Variants in GRM8 observed in about 807,000 individuals in gnomAD.
GRM8 encodes the protein metabotropic glutamate receptor 8.
GRM8 carries 47 observed loss-of-function variants against 87.2 expected under a neutral mutation model. The observed-to-expected ratio is 0.54, with a 90% CI of 0.43 to 0.69. The LOEUF (loss-of-function observed/expected upper bound fraction) is 0.69, where lower values mean the gene tolerates loss of function less well. GRM8 is among the 30% of genes least tolerant of loss of function. GRM8 has a pLI of 0.00. For synonymous variants in GRM8, 396 were observed against 404.5 expected (o/e 0.98, Z 0.25); for missense variants, 1,019 against 1,139.2 (o/e 0.89, Z 1.52).
At chr7:127,158,062 G>A (rs982481001) in intron 2 of GRM8, among the ~76,000 whole-genome samples, 1 of 152,070 alleles carries the variant, frequency 6.6e-6, no homozygotes, top group East Asian at 1.9e-4. Context: ...GATGGGTGGA[G>A]GCTGAAAGTC....
chr7:126,498,599 G>T (rs1160195320), intron 9 of GRM8, among the ~76,000 whole-genome samples: 1 of 151,912 alleles, frequency 6.6e-6, no homozygotes, highest in African/African-American at 2.4e-5. Flanking sequence ...AAAAGTGGGG[G>T]GACATGTACT....
At chr7:126,800,115 G>GTT (rs539773887) in intron 6 of GRM8, among the ~76,000 whole-genome samples, 12 of 152,048 alleles carry the variant, frequency 7.9e-5, no homozygotes, top group African/African-American at 2.9e-4. Flanking sequence ...TAACTTTCAA[G>GTT]TTTTTTTTAA....
At chr7:127,204,660 ATT>A (rs756100696) in intron 2 of GRM8, among the ~76,000 whole-genome samples, 57 of 147,984 alleles carry the variant, frequency 3.9e-4, no homozygotes, top group African/African-American at 1.3e-3. Flanking sequence ...TACTGTCCAA[ATT>A]TTTTTTTTTT....
intron 2 of GRM8, among the ~76,000 whole-genome samples, chr7:127,221,457 G>A (rs751204405): frequency 1.7e-4 from 26 of 152,058 alleles, no homozygotes; most frequent in Non-Finnish European, 3.5e-4. Context: ...AAGTATGCCC[G>A]GGAATTATCA....
intron 9 of GRM8, 80 bp downstream of exon 9, chr7:126,532,872 C>T: frequency 1.3e-6 from 1 of 757,772 alleles, no homozygotes; most frequent in Non-Finnish European, 2.2e-6. Context: ...ATAAGTGAAC[C>T]AAATAAAAGG....
At chr7:126,500,036 A>G (rs2150690078) in intron 9 of GRM8, among the ~76,000 whole-genome samples, 1 of 152,088 alleles carries the variant, frequency 6.6e-6, no homozygotes, top group African/African-American at 2.4e-5. Context: ...TAATTAACAT[A>G]TTTATCACCT....
chr7:126,608,363 G>A (rs1258737123), intron 8 of GRM8, among the ~76,000 whole-genome samples: 1 of 152,066 alleles, frequency 6.6e-6, no homozygotes, highest in Non-Finnish European at 1.5e-5. Flanking sequence ...CCATCCCCAC[G>A]TGCTAACCCC....
At chr7:126,459,344 G>T (rs1263121316) in intron 9 of GRM8, among the ~76,000 whole-genome samples, 2 of 151,418 alleles carry the variant, frequency 1.3e-5, no homozygotes, top group African/African-American at 4.8e-5. Flanking sequence ...GTGACTGACA[G>T]AATGATGATG....
intron 2 of GRM8, among the ~76,000 whole-genome samples, chr7:127,194,365 A>G (rs1328389703): frequency 6.6e-6 from 1 of 152,194 alleles, no homozygotes; most frequent in East Asian, 1.9e-4. Flanking sequence ...AATGTTAGCT[A>G]TTATCATTAT....
At chr7:126,928,016 G>A (rs550861964) in intron 3 of GRM8, among the ~76,000 whole-genome samples, 5 of 152,176 alleles carry the variant, frequency 3.3e-5, no homozygotes, top group South Asian at 2.1e-4. Context: ...GCACATATAC[G>A]TCATGGAATA....
At chr7:126,738,633 G>A (rs1814520808) in intron 7 of GRM8, among the ~76,000 whole-genome samples, 1 of 149,440 alleles carries the variant, frequency 6.7e-6, no homozygotes, top group Non-Finnish European at 1.5e-5. Flanking sequence ...CTAGAGAGAT[G>A]AGAATCATCT....
chr7:126,894,535 A>G (rs1801359328), intron 6 of GRM8, among the ~76,000 whole-genome samples: 1 of 152,014 alleles, frequency 6.6e-6, no homozygotes, highest in Non-Finnish European at 1.5e-5. Context: ...AAAAAATGTG[A>G]GTATTTACGT....
intron 2 of GRM8, among the ~76,000 whole-genome samples, chr7:127,139,424 T>C (rs1828135060): frequency 6.6e-6 from 1 of 152,082 alleles, no homozygotes; most frequent in African/African-American, 2.4e-5. Context: ...AATGGAGCCA[T>C]GAAAGCAAAA....
intron 3 of GRM8, among the ~76,000 whole-genome samples, chr7:126,982,067 G>T (rs1811595969): frequency 6.6e-6 from 1 of 152,170 alleles, no homozygotes; most frequent in Non-Finnish European, 1.5e-5. Context: ...ACAATAGGCT[G>T]TCTGCAAGCT....
At chr7:126,596,317 C>T (rs1335449975) in intron 8 of GRM8, among the ~76,000 whole-genome samples, 18 of 152,226 alleles carry the variant, frequency 1.2e-4, no homozygotes, top group Admixed American at 1.3e-4. Flanking sequence ...CTCACCAGCA[C>T]CTGCTTTTTT....
intron 8 of GRM8, among the ~76,000 whole-genome samples, chr7:126,535,227 G>A (rs957370369): frequency 6.6e-6 from 1 of 152,186 alleles, no homozygotes; most frequent in Non-Finnish European, 1.5e-5. Flanking sequence ...GCTAGTCTGT[G>A]TAAACAATAG....
intron 7 of GRM8, among the ~76,000 whole-genome samples, chr7:126,756,451 A>T (rs10216287): frequency 6.6e-6 from 1 of 151,968 alleles, no homozygotes; most frequent in East Asian, 1.9e-4. Context: ...CTTCTGCTCT[A>T]GAAAAGATAC....
intron 3 of GRM8, among the ~76,000 whole-genome samples, chr7:127,099,445 T>TAC (rs982129105): frequency 5.9e-5 from 9 of 152,330 alleles, no homozygotes; most frequent in African/African-American, 1.7e-4. Context: ...GAACAGCAGG[T>TAC]ACACACCTAT....
At chr7:127,152,690 T>C (rs763589044) in intron 2 of GRM8, among the ~76,000 whole-genome samples, 1 of 152,166 alleles carries the variant, frequency 6.6e-6, no homozygotes, top group African/African-American at 2.4e-5. Context: ...GCTCTCTTTA[T>C]ACAAGAGTGT....
Sources: allele counts gnomAD v4.1 joint callset (sites outside exome capture counted in the v4.1 genomes callset), GRCh38; gene constraint gnomAD v4.1.1; transcripts MANE v1.5; gene names NCBI Gene and HGNC (gene_info 2026-07-23, HGNC 2026-07-21).